The following NEGR1 variants were observed in gnomAD, a reference collection of about 807,000 sequenced individuals.
NEGR1 encodes the protein IgLON family member 4.
Under a neutral mutation model 40.9 loss-of-function variants are expected in NEGR1, and 10 were observed. The ratio of observed to expected loss-of-function variants is 0.24; its 90% CI spans 0.15 to 0.42. The LOEUF (loss-of-function observed/expected upper bound fraction) is 0.42, where lower values mean the gene tolerates loss of function less well. NEGR1 is among the 10% of genes least tolerant of loss of function. The pLI, the probability that NEGR1 is intolerant of heterozygous loss-of-function variation, is 1.00. For missense variants in NEGR1, 352 were observed against 438.9 expected, an observed-to-expected ratio of 0.80 and a Z score of 1.77; for synonymous variants, 185 against 166.8, an observed-to-expected ratio of 1.11 and a Z score of -0.84.
At chr1:71,631,241 ATAT>A (rs146058064) in intron 4 of NEGR1, among the ~76,000 whole-genome samples, 4,203 of 151,842 alleles carry the variant, frequency 0.028, 161 homozygotes, top group African/African-American at 0.089. Flanking sequence ...ATTTAAGTAA[ATAT>A]TATTATTTCT....
chr1:71,871,799 T>G (rs930198337), intron 2 of NEGR1, among the ~76,000 whole-genome samples: 2 of 152,232 alleles, frequency 1.3e-5, no homozygotes, highest in Non-Finnish European at 2.9e-5. Flanking sequence ...CTGTACTATC[T>G]ACCTAGGGTC....
chr1:72,177,363 C>T lies in NEGR1; in HGVS notation c.176+104956G>A, dbSNP rs562355567. 1.1e-3 allele frequency among the ~76,000 whole-genome samples: 162 copies of T among 152,130 alleles called. 1 individual carries two copies. Among genetic ancestry groups the T allele is most frequent in the African/African-American group, 3.6e-3 (150 of 41,538 alleles). On this transcript the variant is annotated intron_variant, in intron 1 of 6. Coordinates refer to ENST00000357731, the MANE Select transcript of NEGR1 (RefSeq NM_173808.3). ...AGCTAAATTTACCAGAATGCAGTGGCTCCAACTGAGAATCACATATGAGTG... is the reference window on the plus strand; with the variant it reads ...AGCTAAATTTACCAGAATGCAGTGGTTCCAACTGAGAATCACATATGAGTG...
intron 1 of NEGR1, among the ~76,000 whole-genome samples, chr1:72,265,255 C>A (rs936935780): frequency 6.6e-6 from 1 of 150,810 alleles, no homozygotes; most frequent in African/African-American, 2.4e-5. Flanking sequence ...GAAAATCATT[C>A]AAAATTTATA....
intron 1 of NEGR1, among the ~76,000 whole-genome samples, chr1:72,142,453 T>C (rs914283384): frequency 6.6e-6 from 1 of 151,844 alleles, no homozygotes; most frequent in African/African-American, 2.4e-5. Context: ...GATTTTCTCA[T>C]GACCAAGGCC....
At chr1:72,209,366 T>G (rs928850770) in intron 1 of NEGR1, among the ~76,000 whole-genome samples, 1 of 151,878 alleles carries the variant, frequency 6.6e-6, no homozygotes, top group African/African-American at 2.4e-5. Context: ...ATTATATTTC[T>G]AATATCAGTG....
chr1:72,012,856 T>TATATAC (rs769682455), intron 1 of NEGR1, among the ~76,000 whole-genome samples: 2 of 135,206 alleles, frequency 1.5e-5, no homozygotes, highest in African/African-American at 5.6e-5. Flanking sequence ...TATATATATA[T>TATATAC]ACACACACAC....
chr1:71,970,037 C>T (rs563889026), intron 1 of NEGR1, among the ~76,000 whole-genome samples: 2 of 152,172 alleles, frequency 1.3e-5, no homozygotes, highest in East Asian at 3.9e-4. Context: ...AGGTTAGGTG[C>T]TACTTAGATT....
chr1:72,139,690 G>A (rs543628659), intron 1 of NEGR1, among the ~76,000 whole-genome samples: 19 of 152,094 alleles, frequency 1.2e-4, no homozygotes, highest in Non-Finnish European at 2.4e-4. Context: ...ATAAAAAGTC[G>A]ATCAGTGTTT....
At chr1:72,249,564 C>T (rs1028123795) in intron 1 of NEGR1, among the ~76,000 whole-genome samples, 4 of 152,060 alleles carry the variant, frequency 2.6e-5, no homozygotes, top group South Asian at 2.1e-4. Flanking sequence ...GATGCTAACA[C>T]ATGAAAGGCA....
At chr1:71,539,935 G>A (rs1647636460) in intron 6 of NEGR1, among the ~76,000 whole-genome samples, 1 of 151,756 alleles carries the variant, frequency 6.6e-6, no homozygotes, top group Non-Finnish European at 1.5e-5. Context: ...CCTACCTGCT[G>A]AGATTTGAAA....
chr1:71,993,081 G>A (rs1646469533), intron 1 of NEGR1, among the ~76,000 whole-genome samples: 1 of 152,128 alleles, frequency 6.6e-6, no homozygotes, highest in Non-Finnish European at 1.5e-5. Flanking sequence ...ATAGTACATA[G>A]TATATTCTAT....
intron 1 of NEGR1, among the ~76,000 whole-genome samples, chr1:72,214,035 T>A (rs1401285966): frequency 6.6e-6 from 1 of 152,062 alleles, no homozygotes; most frequent in Admixed American, 6.6e-5. Context: ...GTCAGCTTCA[T>A]CCGTGGGAGG....
intron 6 of NEGR1, among the ~76,000 whole-genome samples, chr1:71,585,182 C>T (rs1649263053): frequency 6.6e-6 from 1 of 152,100 alleles, no homozygotes. Flanking sequence ...AAAATATTGG[C>T]AGCACTTCTA....
intron 1 of NEGR1, among the ~76,000 whole-genome samples, chr1:72,133,247 T>G (rs1164156334): frequency 6.6e-6 from 1 of 152,104 alleles, no homozygotes; most frequent in African/African-American, 2.4e-5. Flanking sequence ...TCCTACAACC[T>G]AATTTGTTGC....
intron 6 of NEGR1, among the ~76,000 whole-genome samples, chr1:71,463,682 T>A (rs1646727969): frequency 6.6e-6 from 1 of 152,298 alleles, no homozygotes. Context: ...TGCTGCCAAT[T>A]TGTTTCTTAG....
chr1:71,509,803 T>C (rs999431124), intron 6 of NEGR1, among the ~76,000 whole-genome samples: 4 of 152,206 alleles, frequency 2.6e-5, no homozygotes, highest in African/African-American at 7.2e-5. Context: ...TTGAATTAAC[T>C]ACATCTATTA....
At chr1:72,134,221 T>G (rs1250724882) in intron 1 of NEGR1, among the ~76,000 whole-genome samples, 1 of 151,466 alleles carries the variant, frequency 6.6e-6, no homozygotes, top group Admixed American at 6.6e-5. Context: ...TTCTTTTTTT[T>G]TTTTTGAGAT....
chr1:71,952,400 C>T (rs1194388858), intron 1 of NEGR1, among the ~76,000 whole-genome samples: 2 of 151,956 alleles, frequency 1.3e-5, no homozygotes, highest in Admixed American at 1.3e-4. Context: ...TAAACCAAAG[C>T]TTAATCCAGA....
intron 4 of NEGR1, among the ~76,000 whole-genome samples, chr1:71,675,276 A>G (rs1325299949): frequency 6.6e-6 from 1 of 150,818 alleles, no homozygotes; most frequent in African/African-American, 2.4e-5. Flanking sequence ...CACTAGACCT[A>G]CTACTCACTT....
Sources: allele counts gnomAD v4.1 joint callset (sites outside exome capture counted in the v4.1 genomes callset), GRCh38; gene constraint gnomAD v4.1.1; transcripts MANE v1.5; gene names NCBI Gene and HGNC (gene_info 2026-07-23, HGNC 2026-07-21).